PAK3: variants seen among roughly 807,000 people sequenced by gnomAD.
PAK3 encodes the protein p21 (RAC1) activated kinase 3.
In PAK3, 4 loss-of-function variants were observed where a neutral mutation model predicts 41.0. That is an observed-to-expected ratio of 0.10 (90% confidence interval 0.05 to 0.22). The LOEUF (loss-of-function observed/expected upper bound fraction) is 0.22, where lower values mean the gene tolerates loss of function less well. PAK3 is among the 10% of genes least tolerant of loss of function. PAK3 has a pLI of 1.00. For missense variants in PAK3, 205 were observed against 409.9 expected, an observed-to-expected ratio of 0.50 and a Z score of 4.32; for synonymous variants, 146 against 139.6, an observed-to-expected ratio of 1.05 and a Z score of -0.32.
Position 111,220,730 on chromosome X carries a change from A to G in PAK3, c.*283A>G. 3.0e-6 allele frequency: 1 copy of G among 331,448 alleles called. No individual in the cohort carries two copies. Among genetic ancestry groups the G allele is most frequent in the South Asian group, 5.5e-5 (1 of 18,340 alleles). 27.3% of individuals were successfully genotyped at this position (331,448 alleles called of 1,213,427 possible). ...AGTAGTGAATCCCCTCATTTTGTGC[A>G]TTCACTTTGAAGAAAAAGGTTTCTC... is the stretch of plus-strand genomic sequence containing the variant. On this transcript the variant is annotated 3_prime_UTR_variant, in exon 18 of 18. Coordinates refer to ENST00000372007, the MANE Select transcript of PAK3 (RefSeq NM_002578.5).
intron 14 of PAK3, among the ~76,000 whole-genome samples, chrX:111,195,408 C>T (rs2094603450): frequency 8.9e-6 from 1 of 112,126 alleles, no homozygotes; most frequent in African/African-American, 3.2e-5. Flanking sequence ...CCTGGCTACC[C>T]ATTAGAAATA....
chrX:111,023,383 T>G (rs756639056), intron 1 of PAK3, among the ~76,000 whole-genome samples: 3 of 112,379 alleles, frequency 2.7e-5, no homozygotes, highest in African/African-American at 9.7e-5. Flanking sequence ...GCAGCATGAT[T>G]TATAATCCTT....
intron 14 of PAK3, among the ~76,000 whole-genome samples, chrX:111,194,712 A>G (rs1382145399): frequency 1.8e-5 from 2 of 112,379 alleles, no homozygotes; most frequent in Non-Finnish European, 3.7e-5. Flanking sequence ...CATGGGAAAC[A>G]GTGATATTGG....
At chrX:111,115,225 C>T (rs184774292) in intron 4 of PAK3, among the ~76,000 whole-genome samples, 1 of 112,228 alleles carries the variant, frequency 8.9e-6, no homozygotes, top group Admixed American at 9.4e-5. Flanking sequence ...GAGCCACTTG[C>T]AAATTATGAA....
In PAK3 at chrX:111,119,085, GGAGA is replaced by G. The variant is rs758837753; in HGVS notation, c.-27-3987_-27-3984del. 4.5e-5 allele frequency among the ~76,000 whole-genome samples: 5 copies of G among 111,182 alleles called. No homozygotes were observed. In the East Asian group the frequency reaches 1.4e-3, roughly 32 times the overall value. On this transcript the variant is annotated intron_variant, in intron 4 of 17. Transcript: ENST00000372007. Reference sequence around the variant, plus strand: ...ACTTGTGTGGGGAGTGGGGAGAAAGGGAGAGAGAAAGACAGGGAAAGAGAGAGGT... The same window carrying G: ...ACTTGTGTGGGGAGTGGGGAGAAAGGGAGAAAGACAGGGAAAGAGAGAGGT...
At chrX:111,159,590 A>C (rs182454963) in intron 8 of PAK3, among the ~76,000 whole-genome samples, 87 of 111,592 alleles carry the variant, frequency 7.8e-4, no homozygotes, top group Non-Finnish European at 1.0e-3. Context: ...ATCAAAGCAA[A>C]TTTCGATAAC....
intron 16 of PAK3, among the ~76,000 whole-genome samples, chrX:111,201,235 G>A (rs73545204): frequency 0.081 from 9,072 of 111,684 alleles, 829 homozygotes; most frequent in African/African-American, 0.27. Flanking sequence ...TACTTTTTTG[G>A]TTTCGATTTC....
chrX:111,146,001 T>A (rs2093939751), intron 6 of PAK3, among the ~76,000 whole-genome samples: 1 of 111,873 alleles, frequency 8.9e-6, no homozygotes, highest in African/African-American at 3.2e-5. Context: ...AGAATAAAAT[T>A]CAATGTTTCC....
chrX:111,016,964 A>G (rs1267377964), intron 1 of PAK3, among the ~76,000 whole-genome samples: 1 of 111,789 alleles, frequency 8.9e-6, no homozygotes, highest in African/African-American at 3.3e-5. Flanking sequence ...AAACTCAACA[A>G]AGATAGTAGT....
At chrX:111,043,684 T>C (rs1470848212) in intron 1 of PAK3, among the ~76,000 whole-genome samples, 2 of 112,276 alleles carry the variant, frequency 1.8e-5, no homozygotes, top group East Asian at 5.6e-4. Flanking sequence ...GGAGTAAATT[T>C]AAGTTTACTA....
intron 3 of PAK3, 146 bp from the exon 4 acceptor site, chrX:111,103,013 G>A (rs975975014): frequency 9.2e-6 from 1 of 108,988 alleles, no homozygotes; most frequent in African/African-American, 3.4e-5. Flanking sequence ...GAGAGAGAGT[G>A]TGTGTGTGTG....
At position 111,186,542 on chromosome X, in the gene PAK3, A is replaced by G. The variant is rs150942275; in HGVS notation, c.831-5585A>G. 3.3e-3 allele frequency among the ~76,000 whole-genome samples: 369 copies of G among 111,792 alleles called. 2 individuals are homozygous for G. Among genetic ancestry groups the G allele is most frequent in the African/African-American group, 0.011 (346 of 30,831 alleles). On this transcript the variant is annotated intron_variant, in intron 11 of 17. Coordinates refer to ENST00000372007, the MANE Select transcript of PAK3 (RefSeq NM_002578.5). Reference sequence around the variant, plus strand: ...GTGAACTCCTATTTACAATTGCTACAAAAAGAATAAAATACCTAGGAATGC... The same window carrying G: ...GTGAACTCCTATTTACAATTGCTACGAAAAGAATAAAATACCTAGGAATGC...
intron 1 of PAK3, among the ~76,000 whole-genome samples, chrX:110,972,908 G>A (rs968233039): frequency 9.0e-6 from 1 of 111,522 alleles, no homozygotes; most frequent in Non-Finnish European, 1.9e-5. Flanking sequence ...CAAGAACTTC[G>A]TGACGCATGC....
At chrX:111,143,115 A>G (rs1325719420) in intron 6 of PAK3, among the ~76,000 whole-genome samples, 1 of 110,955 alleles carries the variant, frequency 9.0e-6, no homozygotes, top group Non-Finnish European at 1.9e-5. Context: ...TGAAATAAGG[A>G]GTAATTTTGA....
intron 10 of PAK3, among the ~76,000 whole-genome samples, chrX:111,166,815 T>C (rs2094261196): frequency 8.9e-6 from 1 of 111,834 alleles, no homozygotes; most frequent in African/African-American, 3.3e-5. Context: ...ATCAGGCACA[T>C]CATAGGGGCT....
chrX:111,102,196 C>T (rs1205732474), intron 3 of PAK3, among the ~76,000 whole-genome samples: 4 of 111,462 alleles, frequency 3.6e-5, no homozygotes, highest in Non-Finnish European at 7.5e-5. Context: ...CAGCCTCTCC[C>T]TTGAGAGGCT....
chrX:111,146,032 T>C (rs1393159911), intron 6 of PAK3, among the ~76,000 whole-genome samples: 1 of 111,993 alleles, frequency 8.9e-6, no homozygotes, highest in African/African-American at 3.2e-5. Context: ...CCTTTGAATT[T>C]TAGCCACATA....
intron 4 of PAK3, among the ~76,000 whole-genome samples, chrX:111,108,153 C>T (rs1257562917): frequency 4.5e-5 from 5 of 111,998 alleles, no homozygotes; most frequent in African/African-American, 1.3e-4. Context: ...AAGGTCTTGA[C>T]GGTTCATAAG....
chrX:111,006,039 A>G (rs1289508593), intron 1 of PAK3, among the ~76,000 whole-genome samples: 1 of 111,498 alleles, frequency 9.0e-6, no homozygotes, highest in Non-Finnish European at 1.9e-5. Flanking sequence ...GAAAAAGCCT[A>G]TAGCACAGTA....
Sources: allele counts gnomAD v4.1 joint callset (sites outside exome capture counted in the v4.1 genomes callset), GRCh38; gene constraint gnomAD v4.1.1; transcripts MANE v1.5; gene names NCBI Gene and HGNC (gene_info 2026-07-23, HGNC 2026-07-21).